The following NPAS3 variants were observed in gnomAD, a reference collection of about 807,000 sequenced individuals.
The protein encoded by NPAS3 is neuronal PAS domain protein 3, also known as neuronal PAS domain-containing protein 3.
Under a neutral mutation model 73.1 loss-of-function variants are expected in NPAS3, and 14 were observed. The observed-to-expected ratio is 0.19, with a 90% CI of 0.13 to 0.30. NPAS3 has a LOEUF of 0.30. Ranked by LOEUF, NPAS3 falls within the 10% of genes least tolerant of loss-of-function variation. The pLI, the probability that NPAS3 is intolerant of heterozygous loss-of-function variation, is 1.00. For synonymous variants in NPAS3, 620 were observed against 541.5 expected, an observed-to-expected ratio of 1.14 and a Z score of -2.01; for missense variants, 1,096 against 1,250.0, an observed-to-expected ratio of 0.88 and a Z score of 1.86.
intron 2 of NPAS3, among the ~76,000 whole-genome samples, chr14:33,136,847 G>C (rs931530484): frequency 6.6e-6 from 1 of 152,168 alleles, no homozygotes; most frequent in Non-Finnish European, 1.5e-5. Context: ...TACCAATACC[G>C]CTTTTTCCTG....
intron 5 of NPAS3, among the ~76,000 whole-genome samples, chr14:33,592,101 C>T (rs2057089043): frequency 6.6e-6 from 1 of 152,136 alleles, no homozygotes; most frequent in African/African-American, 2.4e-5. Context: ...CATTAACACA[C>T]CTTATTCACA....
intron 5 of NPAS3, among the ~76,000 whole-genome samples, chr14:33,567,586 G>A (rs2056021190): frequency 6.6e-6 from 1 of 152,192 alleles, no homozygotes; most frequent in South Asian, 2.1e-4. Flanking sequence ...CTATTGATGT[G>A]CTCAGAGTTG....
chr14:33,567,570 C>T (rs191194915), intron 5 of NPAS3, among the ~76,000 whole-genome samples: 10 of 152,298 alleles, frequency 6.6e-5, no homozygotes, highest in Admixed American at 3.3e-4. Flanking sequence ...AAGCCACTGT[C>T]GGCCTCTATT....
chr14:33,653,508 G>A (rs1182204204), intron 5 of NPAS3, among the ~76,000 whole-genome samples: 1 of 152,268 alleles, frequency 6.6e-6, no homozygotes, highest in African/African-American at 2.4e-5. Context: ...CCCTGAATCC[G>A]CCCCTTGGCA....
chr14:33,364,781 C>G (rs570589923), intron 3 of NPAS3, among the ~76,000 whole-genome samples: 2 of 152,106 alleles, frequency 1.3e-5, no homozygotes, highest in East Asian at 1.9e-4. Context: ...CCCCACCCCC[C>G]ACACCCCCAC....
At chr14:32,970,413 C>G (rs962621851) in intron 1 of NPAS3, among the ~76,000 whole-genome samples, 3 of 152,134 alleles carry the variant, frequency 2.0e-5, no homozygotes, top group African/African-American at 4.8e-5. Context: ...TTACCTTTCT[C>G]AAAGAAGTGG....
chr14:33,119,534 A>G (rs1012199847), intron 2 of NPAS3, among the ~76,000 whole-genome samples: 2 of 152,130 alleles, frequency 1.3e-5, no homozygotes, highest in African/African-American at 4.8e-5. Flanking sequence ...CTTGATTTGT[A>G]CTACACCAGA....
chr14:33,577,672 G>A (rs1337380864), intron 5 of NPAS3, among the ~76,000 whole-genome samples: 2 of 152,200 alleles, frequency 1.3e-5, no homozygotes, highest in African/African-American at 4.8e-5. Context: ...GGGTGACGGG[G>A]TAAAGGGGAA....
intron 9 of NPAS3, among the ~76,000 whole-genome samples, chr14:33,792,838 C>A (rs781147187): frequency 6.6e-6 from 1 of 152,154 alleles, no homozygotes; most frequent in Non-Finnish European, 1.5e-5. Flanking sequence ...CAAAAGTGGG[C>A]GACGTAGATG....
intron 4 of NPAS3, among the ~76,000 whole-genome samples, chr14:33,537,589 A>G (rs2054312350): frequency 6.6e-6 from 1 of 152,196 alleles, no homozygotes; most frequent in Non-Finnish European, 1.5e-5. Context: ...ATTTTAAATG[A>G]TCACACTGCG....
chr14:33,344,080 G>A (rs1225561001), intron 3 of NPAS3, among the ~76,000 whole-genome samples: 1 of 152,262 alleles, frequency 6.6e-6, no homozygotes, highest in Admixed American at 6.5e-5. Flanking sequence ...AATATGGGGG[G>A]ATGAAATTAG....
chr14:33,616,504 G>T (rs1048799818), intron 5 of NPAS3, among the ~76,000 whole-genome samples: 8 of 152,164 alleles, frequency 5.3e-5, no homozygotes, highest in African/African-American at 1.9e-4. Flanking sequence ...GCAGCTGTCA[G>T]ACTCTGAAAT....
chr14:32,962,002 A>G (rs1160412864), intron 1 of NPAS3, among the ~76,000 whole-genome samples: 2 of 152,066 alleles, frequency 1.3e-5, no homozygotes, highest in Non-Finnish European at 1.5e-5. Context: ...CAAATATAAA[A>G]CTCCTCAAAT....
chr14:32,969,389 C>T (rs933532408), intron 1 of NPAS3, among the ~76,000 whole-genome samples: 8 of 151,992 alleles, frequency 5.3e-5, no homozygotes, highest in African/African-American at 9.7e-5. Flanking sequence ...TGGATTATTG[C>T]AAACTGTCCT....
chr14:33,772,576 G>A (rs1248057006), intron 7 of NPAS3, among the ~76,000 whole-genome samples: 1 of 152,182 alleles, frequency 6.6e-6, no homozygotes, highest in Non-Finnish European at 1.5e-5. Flanking sequence ...ATAGATCTGT[G>A]TTTTTCCAAA....
chr14:33,495,998 A>G (rs926818011), intron 4 of NPAS3, among the ~76,000 whole-genome samples: 5 of 152,132 alleles, frequency 3.3e-5, no homozygotes, highest in African/African-American at 1.2e-4. Flanking sequence ...AAATAGACAC[A>G]ATAAAAAATG....
At chr14:33,446,567 G>T (rs191177114) in intron 4 of NPAS3, among the ~76,000 whole-genome samples, 2 of 152,074 alleles carry the variant, frequency 1.3e-5, no homozygotes, top group Non-Finnish European at 2.9e-5. Flanking sequence ...TTCCTCCCTC[G>T]GAAGAGATGG....
At chr14:33,256,558 G>T (rs1024550085) in intron 3 of NPAS3, among the ~76,000 whole-genome samples, 1 of 152,144 alleles carries the variant, frequency 6.6e-6, no homozygotes, top group Non-Finnish European at 1.5e-5. Context: ...AATCCAGGGA[G>T]ACCCTTTCAA....
At chr14:33,387,483 A>G (rs1250877960) in intron 4 of NPAS3, among the ~76,000 whole-genome samples, 2 of 152,136 alleles carry the variant, frequency 1.3e-5, no homozygotes, top group Non-Finnish European at 2.9e-5. Context: ...TGTTACTTTG[A>G]TGGAAGATTT....
Sources: allele counts gnomAD v4.1 joint callset (sites outside exome capture counted in the v4.1 genomes callset), GRCh38; gene constraint gnomAD v4.1.1; transcripts MANE v1.5; gene names NCBI Gene and HGNC (gene_info 2026-07-23, HGNC 2026-07-21).